The following TBXA2R variants were observed in gnomAD, a reference collection of about 807,000 sequenced individuals.
The protein encoded by TBXA2R is prostanoid TP receptor.
Under a neutral mutation model 15.6 loss-of-function variants are expected in TBXA2R, and 15 were observed. That is an observed-to-expected ratio of 0.96 (90% confidence interval 0.64 to 1.48). TBXA2R has a LOEUF of 1.48. Ranked by LOEUF, TBXA2R falls within the 40% of genes most tolerant of loss-of-function variation. The pLI is 0.00. For synonymous variants in TBXA2R, 280 were observed against 241.2 expected (o/e 1.16, Z -1.49); for missense variants, 506 against 491.4 (o/e 1.03, Z -0.28).
rs4987258 is a variant in TBXA2R, at chr19:3,595,446, G to C, written c.*242C>G. The C allele has an allele frequency of 9.1e-4, 1,285 of 1,411,344 alleles. 23 individuals are homozygous for C. In the East Asian group the frequency reaches 0.028, roughly 30 times the overall value. 87.4% of individuals were successfully genotyped at this position (1,411,344 alleles called of 1,614,324 possible). On this transcript the variant is annotated 3_prime_UTR_variant, in exon 3 of 3. Transcript: ENST00000375190. ...TGCCCTTCCTGGGGTTGGGAGGGAC[G>C]CAGAGAAGGGGTGGGAGCTCTGGAT...
rs2032720905 is a variant in TBXA2R at position 3,600,722 on chromosome 19, G to A, written c.-83-5C>T. On this transcript the variant is annotated splice_region_variant and splice_polypyrimidine_tract_variant and intron_variant, in intron 1 of 2. Coordinates refer to ENST00000375190, the MANE Select transcript of TBXA2R (RefSeq NM_001060.6). ...CTGGCACTGGTTCAGGCACACCTGG[G>A]AGGCGAGAGAAGATTTGCTTGTGAT... The A allele has an allele frequency of 1.4e-6, 2 of 1,459,416 alleles. No homozygotes were observed. The highest frequency in any genetic ancestry group is 1.9e-6 in the Non-Finnish European group (2 of 1,062,784). The allele number at this position is 1,459,416 out of a possible 1,614,324, so 90.4% of individuals were successfully genotyped here.
intron 2 of TBXA2R, among the ~76,000 whole-genome samples, chr19:3,596,731 A>G (rs2032611541): frequency 6.8e-6 from 1 of 147,108 alleles, no homozygotes; most frequent in South Asian, 2.2e-4. Flanking sequence ...ACAGGCGCCC[A>G]CCACCACATC....
chr19:3,597,063 C>T (rs2032617862), intron 2 of TBXA2R, among the ~76,000 whole-genome samples: 1 of 151,432 alleles, frequency 6.6e-6, no homozygotes, highest in African/African-American at 2.4e-5. Flanking sequence ...CCTCAGCCTC[C>T]CGAGTAGCTG....
intron 2 of TBXA2R, among the ~76,000 whole-genome samples, chr19:3,597,131 G>T (rs553199119): frequency 7.1e-4 from 107 of 151,162 alleles, no homozygotes; most frequent in African/African-American, 2.4e-3. Context: ...TAGTAGAGAC[G>T]GGGTTTCTCC....
At chr19:3,596,523 T>C (rs766071600) in intron 2 of TBXA2R, among the ~76,000 whole-genome samples, 2 of 152,068 alleles carry the variant, frequency 1.3e-5, no homozygotes, top group Non-Finnish European at 2.9e-5. Flanking sequence ...CTGGGGAACA[T>C]AGTGAGACCT....
chr19:3,605,734 T>C (rs1367899310), intron 1 of TBXA2R, among the ~76,000 whole-genome samples: 1 of 143,526 alleles, frequency 7.0e-6, no homozygotes, highest in East Asian at 2.1e-4. Context: ...ACATGGCAAA[T>C]ACATAGACAC....
chr19:3,601,257 A>G (rs938301135), intron 1 of TBXA2R, among the ~76,000 whole-genome samples: 2 of 151,642 alleles, frequency 1.3e-5, no homozygotes, highest in Admixed American at 6.6e-5. Flanking sequence ...AGCCAGGCGC[A>G]GTGGCTCACG....
At position 3,594,936 on chromosome 19, in the gene TBXA2R, C is replaced by T. The variant is rs989682634; in HGVS notation, c.*752G>A. The T allele has an allele frequency of 1.5e-5, 23 of 1,536,180 alleles. No individual in the cohort carries two copies. The African/African-American group carries it at 1.6e-4, about 11-fold the overall frequency. On this transcript the variant is annotated 3_prime_UTR_variant, in exon 3 of 3. Transcript: ENST00000375190. ...TTCAGGGTCAAAGAGCATGCAAGGCCGGGCGCAGTGGCTTACGCCTGTAAT... is the reference window on the plus strand; with the variant it reads ...TTCAGGGTCAAAGAGCATGCAAGGCTGGGCGCAGTGGCTTACGCCTGTAAT...
At chr19:3,605,810 G>C (rs1568286571) in intron 1 of TBXA2R, among the ~76,000 whole-genome samples, 2 of 52,076 alleles carry the variant, frequency 3.8e-5, no homozygotes, top group African/African-American at 1.3e-4. Context: ...AAACACAACA[G>C]ACACACAGAC....
In TBXA2R at chr19:3,600,002, G is replaced by A. The variant is rs774262525; in HGVS notation, c.633C>T (p.Ser211=). The change falls in exon 2 of 3, where the codon TCC becomes TCT. Residue 211 remains serine (S), a synonymous_variant. Transcript: ENST00000375190. ...CCACGCTGACCGTGTTCAGCAGGAAGGACAGCCCGACCGAGAGGCCGCCCA... is the reference window on the plus strand; with the variant it reads ...CCACGCTGACCGTGTTCAGCAGGAAAGACAGCCCGACCGAGAGGCCGCCCA... The part of the protein sequence containing the change: ...SMLGGLSVGL[S]FLLNTVSVAT... 1.2e-6 allele frequency: 2 copies of A among 1,610,304 alleles called. No homozygotes were observed. Among genetic ancestry groups the A allele is most frequent in the Non-Finnish European group, 1.7e-6 (2 of 1,178,748 alleles).
chr19:3,604,510 A>G (rs2032794776), intron 1 of TBXA2R, among the ~76,000 whole-genome samples: 1 of 151,598 alleles, frequency 6.6e-6, no homozygotes, highest in South Asian at 2.1e-4. Context: ...ACGTCACCTC[A>G]TCATCCATCC....
At chr19:3,602,691 G>A (rs1252893467) in intron 1 of TBXA2R, among the ~76,000 whole-genome samples, 2 of 150,746 alleles carry the variant, frequency 1.3e-5, no homozygotes, top group Admixed American at 1.3e-4. Context: ...TTTGTGGGCC[G>A]GAAACAGGGC....
At chr19:3,598,412 A>G (rs1412702776) in intron 2 of TBXA2R, among the ~76,000 whole-genome samples, 1 of 127,934 alleles carries the variant, frequency 7.8e-6, no homozygotes, top group East Asian at 2.2e-4. Context: ...GTGCAGTGGC[A>G]CAATCTTGGC....
rs34885751 is a variant in TBXA2R, at chr19:3,595,078, T to TA, written c.*609dup. On this transcript the variant is annotated 3_prime_UTR_variant, in exon 3 of 3. Transcript: ENST00000375190. ...CTGGGCCACAGAGTGAGACTCCGTCTAAAAAAAAAAAAAAAAATGGCCAGG... is the reference window on the plus strand; with the variant it reads ...CTGGGCCACAGAGTGAGACTCCGTCTAAAAAAAAAAAAAAAAAATGGCCAGG... The TA allele has an allele frequency of 0.28, 132,865 of 473,822 alleles. 11,729 individuals carry two copies. Among genetic ancestry groups the TA allele is most frequent in the African/African-American group, 0.43 (18,114 of 42,526 alleles). 29.4% of individuals were successfully genotyped at this position (473,822 alleles called of 1,614,324 possible).
chr19:3,595,548 G>A lies in TBXA2R; in HGVS notation c.*140C>T, dbSNP rs776472527. 9 of 1,438,668 alleles carry A rather than the reference G, an allele frequency of 6.3e-6. No individual in the cohort carries two copies. In the East Asian group the frequency reaches 2.3e-4, roughly 36 times the overall value. The allele number at this position is 1,438,668 out of a possible 1,614,324, so 89.1% of individuals were successfully genotyped here. A position where few individuals can be genotyped will look rare whatever the true frequency, so the allele number is the denominator to read the frequency against. ...AGTTGGGGGTCCCCGGGTTGGATTG[G>A]GGTCAACCCAAAACCCTGCTGCTGA... On this transcript the variant is annotated 3_prime_UTR_variant, in exon 3 of 3. Coordinates refer to ENST00000375190, the MANE Select transcript of TBXA2R (RefSeq NM_001060.6).
rs1599868621 is a variant in TBXA2R, at chr19:3,595,401, A to C, written c.*287T>G. 1 of 1,388,770 alleles carries C rather than the reference A, an allele frequency of 7.2e-7. No homozygotes were observed. Among genetic ancestry groups the C allele is most frequent in the Non-Finnish European group, 9.3e-7 (1 of 1,076,894 alleles). The allele number at this position is 1,388,770 out of a possible 1,614,324, so 86.0% of individuals were successfully genotyped here. On this transcript the variant is annotated 3_prime_UTR_variant, in exon 3 of 3. Coordinates refer to ENST00000375190, the MANE Select transcript of TBXA2R (RefSeq NM_001060.6). ...CTAAAAAAAAAAATAGCAATGCAAG[A>C]CCCTCTTCCAATGTCTGCATGCCCT...
chr19:3,600,728 A>G lies in TBXA2R; in HGVS notation c.-83-11T>C. The G allele has an allele frequency of 1.4e-6, 2 of 1,430,616 alleles. No individual in the cohort carries two copies. Among genetic ancestry groups the G allele is most frequent in the Non-Finnish European group, 1.9e-6 (2 of 1,039,570 alleles). The allele number at this position is 1,430,616 out of a possible 1,614,324, so 88.6% of individuals were successfully genotyped here. A position where few individuals can be genotyped will look rare whatever the true frequency, so the allele number is the denominator to read the frequency against. On this transcript the variant is annotated splice_polypyrimidine_tract_variant and intron_variant, in intron 1 of 2. Coordinates refer to ENST00000375190, the MANE Select transcript of TBXA2R (RefSeq NM_001060.6). ...CTGGTTCAGGCACACCTGGGAGGCG[A>G]GAGAAGATTTGCTTGTGATTAATTC...
Position 3,600,656 on chromosome 19 carries a change from C to T in TBXA2R, c.-22G>A. 1 of 1,609,884 alleles carries T rather than the reference C, an allele frequency of 6.2e-7. No individual in the cohort carries two copies. Among genetic ancestry groups the T allele is most frequent in the South Asian group, 1.1e-5 (1 of 90,592 alleles). ...ACATGGCTCCGGAGCCCTGAGGGATCAGTCACCACCCCATCAGGCCGATGC... is the reference window on the plus strand; with the variant it reads ...ACATGGCTCCGGAGCCCTGAGGGATTAGTCACCACCCCATCAGGCCGATGC... On this transcript the variant is annotated 5_prime_UTR_variant, in exon 2 of 3. Transcript: ENST00000375190.
Position 3,601,690 on chromosome 19 carries a change from G to A in TBXA2R, c.-83-973C>T, listed in dbSNP as rs569792210. Among the ~76,000 whole-genome samples the A allele has an allele frequency of 1.7e-3, 266 of 152,274 alleles. 1 individual carries two copies. The highest frequency in any genetic ancestry group is 5.9e-3 in the African/African-American group (244 of 41,546). ...GCCTGTAATCCCAGCACTTTGGGAG[G>A]TTGAGGTGGGTGGATCATCTGAGGT... On this transcript the variant is annotated intron_variant, in intron 1 of 2. Transcript: ENST00000375190.
Sources: gnomAD v4.1 joint callset for allele counts (sites outside exome capture counted in the v4.1 genomes callset) on GRCh38, gnomAD v4.1.1 for gene constraint, MANE v1.5 for transcripts, NCBI Gene and HGNC (gene_info 2026-07-23, HGNC 2026-07-21) for gene names.